The following CDC42SE2 variants were observed in gnomAD, a reference collection of about 807,000 sequenced individuals.
The protein encoded by CDC42SE2 is CDC42 small effector 2.
CDC42SE2 carries 3 observed loss-of-function variants against 11.5 expected under a neutral mutation model. The observed-to-expected ratio is 0.26, with a 90% CI of 0.12 to 0.67. The LOEUF (loss-of-function observed/expected upper bound fraction) is 0.67, where lower values mean the gene tolerates loss of function less well. CDC42SE2 is among the 30% of genes least tolerant of loss of function. The pLI, the probability that CDC42SE2 is intolerant of heterozygous loss-of-function variation, is 0.80. For missense variants in CDC42SE2, 82 were observed against 106.8 expected, an observed-to-expected ratio of 0.77 and a Z score of 1.02; for synonymous variants, 33 against 34.8, an observed-to-expected ratio of 0.95 and a Z score of 0.18.
intron 4 of CDC42SE2, among the ~76,000 whole-genome samples, chr5:131,386,313 T>TGC (rs1750484547): frequency 6.6e-6 from 1 of 152,252 alleles, no homozygotes; most frequent in African/African-American, 2.4e-5. Context: ...CACTTGCAGC[T>TGC]GCTCACCTCC....
chr5:131,332,222 G>T (rs1010926753), intron 2 of CDC42SE2, among the ~76,000 whole-genome samples: 1 of 152,062 alleles, frequency 6.6e-6, no homozygotes, highest in East Asian at 1.9e-4. Context: ...GCGGTGTTTG[G>T]TTTTTTGTCC....
intron 1 of CDC42SE2, among the ~76,000 whole-genome samples, chr5:131,265,239 T>G (rs1166713027): frequency 1.3e-5 from 2 of 152,210 alleles, no homozygotes; most frequent in South Asian, 2.1e-4. Context: ...TTTTCTCTTT[T>G]GGTTTGAGAG....
the CDC42SE2 span, among the ~76,000 whole-genome samples, chr5:131,216,266 G>A: frequency 2.6e-5 from 4 of 152,250 alleles, no homozygotes; most frequent in South Asian, 6.2e-4. Context: ...GGAGGCAGAG[G>A]TGAGTGGACC....
intron 1 of CDC42SE2, among the ~76,000 whole-genome samples, chr5:131,278,541 A>G (rs1184281559): frequency 6.6e-6 from 1 of 151,070 alleles, no homozygotes; most frequent in African/African-American, 2.4e-5. Context: ...GAAACTGGCC[A>G]TGGTGGGACA....
chr5:131,276,983 G>C (rs887088508), intron 1 of CDC42SE2, among the ~76,000 whole-genome samples: 1 of 151,868 alleles, frequency 6.6e-6, no homozygotes, highest in Non-Finnish European at 1.5e-5. Context: ...CAGATGATCC[G>C]CCCACCTCGG....
intron 2 of CDC42SE2, among the ~76,000 whole-genome samples, chr5:131,323,825 A>G (rs891162234): frequency 3.3e-5 from 5 of 152,086 alleles, no homozygotes; most frequent in Non-Finnish European, 7.4e-5. Context: ...TATGGTCTTG[A>G]CAGTTGTGTG....
chr5:131,237,787 C>G, the CDC42SE2 span, among the ~76,000 whole-genome samples: 1 of 152,116 alleles, frequency 6.6e-6, no homozygotes, highest in Non-Finnish European at 1.5e-5. Context: ...CAGAGTCTCG[C>G]TATATTGCCC....
At chr5:131,343,354 T>A (rs1475507033) in intron 2 of CDC42SE2, among the ~76,000 whole-genome samples, 3 of 152,162 alleles carry the variant, frequency 2.0e-5, no homozygotes, top group Non-Finnish European at 4.4e-5. Context: ...CTGCTGTGTT[T>A]GTGTCACAGC....
At chr5:131,268,475 G>A (rs943563231) in intron 1 of CDC42SE2, among the ~76,000 whole-genome samples, 5 of 150,262 alleles carry the variant, frequency 3.3e-5, no homozygotes, top group Admixed American at 6.6e-5. Context: ...TTTCTGAGAC[G>A]GAGTTTCACT....
At chr5:131,282,523 T>C (rs766071064) in intron 1 of CDC42SE2, among the ~76,000 whole-genome samples, 14 of 152,184 alleles carry the variant, frequency 9.2e-5, no homozygotes, top group Non-Finnish European at 1.8e-4. Flanking sequence ...TTCTGAGAGA[T>C]TATTCTAAGG....
chr5:131,364,747 T>C (rs1309127886), intron 3 of CDC42SE2, among the ~76,000 whole-genome samples: 1 of 152,210 alleles, frequency 6.6e-6, no homozygotes, highest in Non-Finnish European at 1.5e-5. Context: ...CTTATTCCCT[T>C]TGTGGCTTTT....
At chr5:131,242,183 G>A (rs1011003536), upstream of CDC42SE2, among the ~76,000 whole-genome samples, 6 of 152,082 alleles carry the variant, frequency 3.9e-5, no homozygotes, top group Admixed American at 1.3e-4. Context: ...TTTCCACAGC[G>A]AAATCTAAAG....
intron 2 of CDC42SE2, among the ~76,000 whole-genome samples, chr5:131,316,529 G>A (rs2149729582): frequency 6.6e-6 from 1 of 152,308 alleles, no homozygotes; most frequent in South Asian, 2.1e-4. Context: ...TTTTAGGAAT[G>A]GACATGAGAA....
intron 2 of CDC42SE2, among the ~76,000 whole-genome samples, chr5:131,333,801 G>T (rs1162395763): frequency 6.6e-6 from 1 of 152,102 alleles, no homozygotes; most frequent in Non-Finnish European, 1.5e-5. Context: ...TGTGATTTTT[G>T]CACATTGATT....
At position 131,347,463 on chromosome 5, in the gene CDC42SE2, C is replaced by T. The variant is rs543751556; in HGVS notation, c.-285-11746C>T. 6.6e-5 allele frequency among the ~76,000 whole-genome samples: 10 copies of T among 152,106 alleles called. No homozygotes were observed. The South Asian group carries it at 2.1e-3, about 32-fold the overall frequency. On this transcript the variant is annotated intron_variant, in intron 2 of 4. Coordinates refer to ENST00000505065, the MANE Select transcript of CDC42SE2 (RefSeq NM_001375635.1). ...GACTAAACCAGGAAGAAGTTGAATC[C>T]CTGAATAGACCAATAACAGGCTCTG... is the stretch of plus-strand genomic sequence containing the variant.
intron 2 of CDC42SE2, among the ~76,000 whole-genome samples, chr5:131,354,241 A>T (rs578206879): frequency 3.3e-5 from 5 of 152,300 alleles, no homozygotes; most frequent in South Asian, 2.1e-4. Flanking sequence ...CTGTCTCAAA[A>T]AAAATAAAAT....
chr5:131,243,956 C>T (rs1038315558), upstream of CDC42SE2, among the ~76,000 whole-genome samples: 1 of 152,210 alleles, frequency 6.6e-6, no homozygotes, highest in African/African-American at 2.4e-5. Flanking sequence ...ATTCAGTAAA[C>T]TCTCACTTTT....
chr5:131,323,441 A>G (rs193288265), intron 2 of CDC42SE2, among the ~76,000 whole-genome samples: 1 of 151,936 alleles, frequency 6.6e-6, no homozygotes, highest in African/African-American at 2.4e-5. Flanking sequence ...AAAAAATACA[A>G]CTAGTAGCCA....
Position 131,343,378 on chromosome 5 carries a change from A to G in CDC42SE2, c.-285-15831A>G, listed in dbSNP as rs181274618. Among the ~76,000 whole-genome samples, 184 of 152,220 alleles carry G rather than the reference A, an allele frequency of 1.2e-3. 1 individual carries two copies. The highest frequency in any genetic ancestry group is 4.2e-3 in the African/African-American group (175 of 41,534). ...TTGTGTCACAGCATCATTATTTCTA[A>G]CTCTAGGGAGCTAAGGAAGAGTTTA... On this transcript the variant is annotated intron_variant, in intron 2 of 4. Transcript: ENST00000505065.
Sources: allele counts gnomAD v4.1 joint callset (sites outside exome capture counted in the v4.1 genomes callset), GRCh38; gene constraint gnomAD v4.1.1; transcripts MANE v1.5; gene names NCBI Gene and HGNC (gene_info 2026-07-23, HGNC 2026-07-21).